FAM135B: variants seen among roughly 807,000 people sequenced by gnomAD.
FAM135B encodes the protein protein FAM135B.
FAM135B carries 43 observed loss-of-function variants against 127.7 expected under a neutral mutation model. The ratio of observed to expected loss-of-function variants is 0.34; its 90% CI spans 0.26 to 0.43. FAM135B has a LOEUF of 0.43. Among genes scored for constraint, FAM135B ranks in the 20% least tolerant of loss-of-function variants. The pLI is 1.00. For synonymous variants in FAM135B, 670 were observed against 665.1 expected (o/e 1.01, Z -0.11); for missense variants, 1,558 against 1,725.6 (o/e 0.90, Z 1.72).
intron 2 of FAM135B, among the ~76,000 whole-genome samples, chr8:138,336,761 G>T (rs1486570861): frequency 1.3e-5 from 2 of 152,170 alleles, no homozygotes; most frequent in Non-Finnish European, 2.9e-5. Context: ...ATTTTATGAG[G>T]CCAGCATCAT....
At chr8:138,182,938 C>A (rs1447905310) in intron 9 of FAM135B, among the ~76,000 whole-genome samples, 3 of 152,192 alleles carry the variant, frequency 2.0e-5, no homozygotes, top group Non-Finnish European at 4.4e-5. Flanking sequence ...GCCAGGGTTG[C>A]AAACCCCTGC....
intron 12 of FAM135B, among the ~76,000 whole-genome samples, chr8:138,157,186 G>A (rs9693918): frequency 0.7 from 105,848 of 152,054 alleles, 36,890 homozygotes; most frequent in East Asian, 0.79. Context: ...ACAGAACCAA[G>A]GACAAAAACC....
intron 1 of FAM135B, among the ~76,000 whole-genome samples, chr8:138,489,702 CCT>C (rs974517188): frequency 1.9e-4 from 29 of 152,152 alleles, no homozygotes; most frequent in African/African-American, 3.1e-4. Context: ...GCTTCCCACC[CCT>C]GTCTCAAGTT....
chr8:138,449,742 T>A (rs764159308), intron 1 of FAM135B, among the ~76,000 whole-genome samples: 6 of 152,132 alleles, frequency 3.9e-5, no homozygotes, highest in African/African-American at 1.2e-4. Flanking sequence ...CCCCACACAT[T>A]AGAACATCCC....
At chr8:138,236,191 T>C (rs1474186743) in intron 7 of FAM135B, among the ~76,000 whole-genome samples, 8 of 152,024 alleles carry the variant, frequency 5.3e-5, no homozygotes, top group African/African-American at 1.7e-4. Flanking sequence ...CAGGCATACA[T>C]AGGTAAATAA....
chr8:138,413,573 A>T (rs1833979082), intron 1 of FAM135B, among the ~76,000 whole-genome samples: 2 of 152,202 alleles, frequency 1.3e-5, no homozygotes, highest in Admixed American at 6.6e-5. Flanking sequence ...TATTCATCTA[A>T]CACCTTCAGT....
intron 4 of FAM135B, among the ~76,000 whole-genome samples, chr8:138,257,583 C>T (rs1162909518): frequency 1.3e-5 from 2 of 152,174 alleles, no homozygotes; most frequent in South Asian, 2.1e-4. Flanking sequence ...GTCAACCCAG[C>T]GTCAGTTCTG....
chr8:138,226,813 C>T lies in FAM135B; in HGVS notation c.669+16129G>A, dbSNP rs142024334. Among the ~76,000 whole-genome samples, 1,427 of 152,312 alleles carry T rather than the reference C, an allele frequency of 9.4e-3. 18 individuals carry two copies. Among genetic ancestry groups the T allele is most frequent in the African/African-American group, 0.031 (1,270 of 41,570 alleles). On this transcript the variant is annotated intron_variant, in intron 7 of 19. Transcript: ENST00000395297. ...CTAACCTCAAGTGATCTGCCCACCT[C>T]AGCCTCCCAAAGTGCTGGGATTAAA...
intron 7 of FAM135B, among the ~76,000 whole-genome samples, chr8:138,223,811 T>G (rs58242970): frequency 1.6e-3 from 248 of 152,154 alleles, no homozygotes; most frequent in African/African-American, 5.0e-3. Context: ...ATGGATTAGA[T>G]AAACAACATG....
Position 138,408,271 on chromosome 8 carries a change from C to T in FAM135B, c.-19-40269G>A, listed in dbSNP as rs1833650230. ...TTATATCTACACTGAAAATCTGTTCCTTAGGGTAGCCACCTTCATCAGTGA... is the reference window on the plus strand; with the variant it reads ...TTATATCTACACTGAAAATCTGTTCTTTAGGGTAGCCACCTTCATCAGTGA... On this transcript the variant is annotated intron_variant, in intron 1 of 19. Coordinates refer to ENST00000395297, the MANE Select transcript of FAM135B (RefSeq NM_015912.4). Among the ~76,000 whole-genome samples the T allele has an allele frequency of 2.0e-5, 3 of 152,136 alleles. No individual in the cohort carries two copies. In the South Asian group the frequency reaches 6.2e-4, roughly 32 times the overall value.
Position 138,468,996 on chromosome 8 carries a change from A to T in FAM135B, c.-20+27675T>A, listed in dbSNP as rs557219048. Among the ~76,000 whole-genome samples the T allele has an allele frequency of 3.0e-4, 45 of 152,202 alleles. No individual in the cohort carries two copies. In the South Asian group the frequency reaches 9.3e-3, roughly 32 times the overall value. On this transcript the variant is annotated intron_variant, in intron 1 of 19. Coordinates refer to ENST00000395297, the MANE Select transcript of FAM135B (RefSeq NM_015912.4). ...GAGGCGGAGGTTGCAGTGAGCCAAGATACAGCCAGTGCGCTCCAGCCTGGG... is the reference window on the plus strand; with the variant it reads ...GAGGCGGAGGTTGCAGTGAGCCAAGTTACAGCCAGTGCGCTCCAGCCTGGG...
chr8:138,397,149 A>G (rs1033653736), intron 1 of FAM135B, among the ~76,000 whole-genome samples: 1 of 152,206 alleles, frequency 6.6e-6, no homozygotes, highest in Non-Finnish European at 1.5e-5. Flanking sequence ...TATCACAAGC[A>G]TCTGTGAGCC....
chr8:138,245,826 T>C (rs1265759656), intron 6 of FAM135B, among the ~76,000 whole-genome samples: 1 of 152,150 alleles, frequency 6.6e-6, no homozygotes. Context: ...TGGAATTTCC[T>C]AGAAACTTGG....
intron 1 of FAM135B, among the ~76,000 whole-genome samples, chr8:138,479,804 C>T (rs1294219818): frequency 6.6e-6 from 1 of 152,078 alleles, no homozygotes; most frequent in Non-Finnish European, 1.5e-5. Context: ...ATAAATGAAA[C>T]AAAATTTAGG....
chr8:138,208,303 T>G (rs1466394469), intron 7 of FAM135B, among the ~76,000 whole-genome samples: 1 of 152,224 alleles, frequency 6.6e-6, no homozygotes, highest in African/African-American at 2.4e-5. Context: ...AGAAAAAGTT[T>G]GAAAATGATT....
chr8:138,438,519 G>C (rs1390340144), intron 1 of FAM135B: 2 of 152,172 alleles, frequency 1.3e-5, no homozygotes, highest in African/African-American at 2.4e-5. Context: ...AGTAGTTAAA[G>C]TGGTAGAAAC....
chr8:138,417,143 C>T (rs1607556), intron 1 of FAM135B, among the ~76,000 whole-genome samples: 102,459 of 152,048 alleles, frequency 0.67, 35,081 homozygotes, highest in African/African-American at 0.77. Context: ...ACCCCTCTAG[C>T]TGGCTTTAGC....
intron 1 of FAM135B, among the ~76,000 whole-genome samples, chr8:138,478,749 G>A (rs1388222077): frequency 1.3e-5 from 2 of 152,214 alleles, no homozygotes; most frequent in Non-Finnish European, 2.9e-5. Flanking sequence ...TTGGGTGAGT[G>A]TTGAGGAAGA....
chr8:138,181,445 C>T lies in FAM135B; in HGVS notation c.874-2755G>A, dbSNP rs1815027318. Among the ~76,000 whole-genome samples the T allele has an allele frequency of 2.6e-5, 4 of 151,968 alleles. No homozygotes were observed. In the South Asian group the frequency reaches 8.4e-4, roughly 32 times the overall value. On this transcript the variant is annotated intron_variant, in intron 9 of 19. Transcript: ENST00000395297. ...GGCACAACTGCTCCTGAAAATGCCC[C>T]CCACCTCACCTCTGCCCACTTCCCA...
Sources: gnomAD v4.1 joint callset for allele counts (sites outside exome capture counted in the v4.1 genomes callset) on GRCh38, gnomAD v4.1.1 for gene constraint, MANE v1.5 for transcripts, NCBI Gene and HGNC (gene_info 2026-07-23, HGNC 2026-07-21) for gene names.